Variants in ROR1 observed in about 807,000 individuals in gnomAD.
The protein encoded by ROR1 is ROR family WNT receptor 1, also known as inactive tyrosine-protein kinase transmembrane receptor ROR1.
In ROR1, 19 loss-of-function variants were observed where a neutral mutation model predicts 78.8. The ratio of observed to expected loss-of-function variants is 0.24; its 90% confidence interval spans 0.17 to 0.35. ROR1 has a LOEUF of 0.35. Ranked by LOEUF, ROR1 falls within the 10% of genes least tolerant of loss-of-function variation. The pLI is 1.00. For synonymous variants in ROR1, 386 were observed against 433.6 expected, an observed-to-expected ratio of 0.89 and a Z score of 1.36; for missense variants, 917 against 1,177.8, an observed-to-expected ratio of 0.78 and a Z score of 3.24.
intron 1 of ROR1, among the ~76,000 whole-genome samples, chr1:63,896,461 C>T (rs192090251): frequency 2.0e-5 from 3 of 152,268 alleles, no homozygotes; most frequent in Non-Finnish European, 4.4e-5. Context: ...GAAAGATTTC[C>T]ATAACACTTG....
intron 1 of ROR1, among the ~76,000 whole-genome samples, chr1:63,936,891 C>T (rs532491658): frequency 6.6e-6 from 1 of 152,282 alleles, no homozygotes; most frequent in South Asian, 2.1e-4. Context: ...ATTTAGGCCT[C>T]TTCATATTGC....
chr1:63,931,036 C>G (rs928973949), intron 1 of ROR1, among the ~76,000 whole-genome samples: 1 of 152,170 alleles, frequency 6.6e-6, no homozygotes, highest in Admixed American at 6.5e-5. Context: ...GATCCCAACA[C>G]CTGGGGAGGC....
intron 4 of ROR1, among the ~76,000 whole-genome samples, chr1:64,094,184 C>G (rs1647236880): frequency 1.3e-5 from 2 of 152,138 alleles, no homozygotes; most frequent in African/African-American, 2.4e-5. Flanking sequence ...TAGACTGTCC[C>G]TCTCCAAAGT....
At chr1:63,996,373 C>A (rs183014361) in intron 1 of ROR1, among the ~76,000 whole-genome samples, 1 of 152,146 alleles carries the variant, frequency 6.6e-6, no homozygotes. Flanking sequence ...TTATTGATCT[C>A]CCCAGGCTAT....
At position 63,904,194 on chromosome 1, in the gene ROR1, G is replaced by A. The variant is rs1410140796; in HGVS notation, c.92-105111G>A. 3.9e-5 allele frequency among the ~76,000 whole-genome samples: 6 copies of A among 152,142 alleles called. No individual in the cohort carries two copies. In the East Asian group the frequency reaches 9.6e-4, roughly 24 times the overall value. ...ATGATACAGGAAGTGAAATCTGAGT[G>A]TTGTGTGCTTTTTGTGGATTACGGG... On this transcript the variant is annotated intron_variant, in intron 1 of 8. Transcript: ENST00000371079.
chr1:64,065,273 A>C (rs765639031), intron 4 of ROR1, among the ~76,000 whole-genome samples: 1 of 152,234 alleles, frequency 6.6e-6, no homozygotes, highest in East Asian at 1.9e-4. Flanking sequence ...ATTTGAGCCC[A>C]TGCAGGTGGA....
intron 4 of ROR1, among the ~76,000 whole-genome samples, chr1:64,114,368 G>C (rs371833093): frequency 2.6e-5 from 4 of 152,274 alleles, no homozygotes; most frequent in African/African-American, 9.6e-5. Flanking sequence ...AAGCTCAAAG[G>C]CTTAATTTTA....
At chr1:63,951,155 C>T (rs1017995833) in intron 1 of ROR1, among the ~76,000 whole-genome samples, 4 of 152,190 alleles carry the variant, frequency 2.6e-5, no homozygotes, top group Non-Finnish European at 5.9e-5. Context: ...ATGACCATGG[C>T]TCACCTCAGA....
chr1:64,148,904 A>C (rs1649546995), intron 7 of ROR1, among the ~76,000 whole-genome samples: 1 of 152,178 alleles, frequency 6.6e-6, no homozygotes, highest in Non-Finnish European at 1.5e-5. Flanking sequence ...TTATTCATTC[A>C]CTCACAGAAA....
chr1:64,078,543 A>C (rs1647071896), intron 4 of ROR1, among the ~76,000 whole-genome samples: 1 of 152,150 alleles, frequency 6.6e-6, no homozygotes. Context: ...TTGTTGGTTC[A>C]CTTTTGAGAT....
intron 1 of ROR1, among the ~76,000 whole-genome samples, chr1:63,914,666 T>C (rs890211118): frequency 2.6e-5 from 4 of 152,156 alleles, no homozygotes; most frequent in African/African-American, 7.2e-5. Context: ...AAATCTTTTG[T>C]GTACACATGA....
chr1:63,888,677 G>A (rs559074453), intron 1 of ROR1, among the ~76,000 whole-genome samples: 4 of 152,090 alleles, frequency 2.6e-5, no homozygotes, highest in East Asian at 1.9e-4. Flanking sequence ...CCACAGAAAA[G>A]CATTGTGATG....
At chr1:64,173,746 GC>G (rs1209014385) in intron 8 of ROR1, among the ~76,000 whole-genome samples, 1 of 152,170 alleles carries the variant, frequency 6.6e-6, no homozygotes, top group African/African-American at 2.4e-5. Flanking sequence ...TAGCCACGAA[GC>G]CCCAAGGCCA....
chr1:63,923,891 T>C (rs1442651365), intron 1 of ROR1, among the ~76,000 whole-genome samples: 1 of 151,806 alleles, frequency 6.6e-6, no homozygotes, highest in Non-Finnish European at 1.5e-5. Flanking sequence ...TTCTTTTTCT[T>C]CCTTGGATGC....
At chr1:63,961,964 T>C (rs1212940363) in intron 1 of ROR1, among the ~76,000 whole-genome samples, 1 of 152,234 alleles carries the variant, frequency 6.6e-6, no homozygotes, top group East Asian at 1.9e-4. Flanking sequence ...CATAAATATG[T>C]ACAATTATTA....
chr1:64,162,265 T>C (rs1300688043), intron 8 of ROR1, among the ~76,000 whole-genome samples: 1 of 152,290 alleles, frequency 6.6e-6, no homozygotes, highest in East Asian at 1.9e-4. Flanking sequence ...CTTCCATCTC[T>C]CTTCACTTGC....
chr1:63,899,377 T>C (rs1443164026), intron 1 of ROR1, among the ~76,000 whole-genome samples: 3 of 152,166 alleles, frequency 2.0e-5, no homozygotes, highest in African/African-American at 7.2e-5. Context: ...AGTGGAATCT[T>C]TTGCCTTTTC....
At position 63,808,841 on chromosome 1, in the gene ROR1, GT is replaced by G. The variant is rs11408423; in HGVS notation, c.91+34346del. ...TATAAGAAAATTAGTTTTCATTTAT[GT>G]TTTTTTTTTTTTAAAGAATATAAGC... is the stretch of plus-strand genomic sequence containing the variant. On this transcript the variant is annotated intron_variant, in intron 1 of 8. Transcript: ENST00000371079. Among the ~76,000 whole-genome samples, 1,251 of 145,444 alleles carry G rather than the reference GT, an allele frequency of 8.6e-3. 4 individuals carry two copies. Among genetic ancestry groups the G allele is most frequent in the South Asian group, 0.012 (54 of 4,570 alleles).
At chr1:64,114,277 C>T (rs957353791) in intron 4 of ROR1, among the ~76,000 whole-genome samples, 1 of 152,140 alleles carries the variant, frequency 6.6e-6, no homozygotes, top group African/African-American at 2.4e-5. Context: ...ATCACACCAT[C>T]GGAATTCTTC....
Sources: allele counts gnomAD v4.1 joint callset (sites outside exome capture counted in the v4.1 genomes callset), GRCh38; gene constraint gnomAD v4.1.1; transcripts MANE v1.5; gene names NCBI Gene and HGNC (gene_info 2026-07-23, HGNC 2026-07-21).